The following CHD1 variants were observed in gnomAD, a reference collection of about 807,000 sequenced individuals.
CHD1 encodes chromodomain helicase DNA binding protein 1, also known as ATP-dependent chromatin remodeler CHD1.
In CHD1, 36 loss-of-function variants were observed where a neutral mutation model predicts 224.2. The ratio of observed to expected loss-of-function variants is 0.16; its 90% CI spans 0.12 to 0.21. The LOEUF (loss-of-function observed/expected upper bound fraction) is 0.21, where lower values mean the gene tolerates loss of function less well. Among genes scored for constraint, CHD1 ranks in the 10% least tolerant of loss-of-function variants. CHD1 has a pLI of 1.00. For missense variants in CHD1, 1,378 were observed against 1,994.8 expected (o/e 0.69, Z 5.89); for synonymous variants, 668 against 658.3 (o/e 1.01, Z -0.23).
At position 98,901,255 on chromosome 5, in the gene CHD1, C is replaced by T. The variant is rs372976955; in HGVS notation, c.518G>A (p.Ser173Asn). Residue 173 changes from serine to asparagine, a missense_variant, in exon 6 of 36, where the codon AGC (serine) becomes AAC (asparagine). Ser to Asn is a conservative substitution (Grantham distance 46). Coordinates refer to ENST00000614616, the MANE Select transcript of CHD1 (RefSeq NM_001270.4). ...ATCAGATTCTGTTTCATCACAACTG[C>T]TTTTCTCTCTCTCTTCTTCAGATTC... ...DSESEEEREKSSCDETESDYE... is the reference protein window; with the variant it reads ...DSESEEEREKNSCDETESDYE... The T allele has an allele frequency of 3.1e-6, 5 of 1,613,832 alleles. No individual in the cohort carries two copies. Among genetic ancestry groups the T allele is most frequent in the South Asian group, 1.1e-5 (1 of 91,062 alleles).
Position 98,899,489 on chromosome 5 carries a change from G to A in CHD1, c.1076C>T (p.Thr359Ile). The change falls in exon 8 of 36, where the codon ACA (threonine) becomes ATA (isoleucine). Residue 359 changes from threonine (T) to isoleucine (I), a missense_variant. By Grantham distance (89) the Thr-to-Ile change is moderately conservative. Around this residue, in one of 16 missense-constraint regions of CHD1, gnomAD observed 15 missense variants for 16.2 expected, o/e 0.93. Transcript: ENST00000614616. ...TATACAGCATACTTACCATCTTTTT[G>A]TTTCCTGATCTTTTTTCTTATAATT... is the stretch of plus-strand genomic sequence containing the variant. ...LDNYKKKDQETKRWLKNASPE... is the reference protein window; with the variant it reads ...LDNYKKKDQEIKRWLKNASPE... 6.3e-7 allele frequency: 1 copy of A among 1,590,508 alleles called. No homozygotes were observed. The highest frequency in any genetic ancestry group is 8.6e-7 in the Non-Finnish European group (1 of 1,160,582).
intron 33 of CHD1, among the ~76,000 whole-genome samples, chr5:98,859,448 AC>A (rs1748299501): frequency 6.6e-6 from 1 of 152,062 alleles, no homozygotes; most frequent in Admixed American, 6.6e-5. Context: ...CCCATATTAC[AC>A]TTAGTTGTCA....
intron 30 of CHD1, 60 bp downstream of exon 30, chr5:98,869,694 C>T (rs534812385): frequency 1.9e-6 from 3 of 1,567,164 alleles, no homozygotes; most frequent in Admixed American, 1.7e-5. Flanking sequence ...GTAAAGTACA[C>T]AAAAACATGC....
At chr5:98,907,588 CAA>C (rs34839165) in intron 2 of CHD1, among the ~76,000 whole-genome samples, 6 of 87,516 alleles carry the variant, frequency 6.9e-5, no homozygotes, top group Non-Finnish European at 1.4e-4. Context: ...AACTCCATCT[CAA>C]AAAAAAAAAA....
At chr5:98,895,344 C>T (rs376949753) in intron 12 of CHD1, among the ~76,000 whole-genome samples, 317 of 152,202 alleles carry the variant, frequency 2.1e-3, no homozygotes, top group Middle Eastern at 6.8e-3. Context: ...CTAGGAAAGT[C>T]GTGTGTAGAG....
Position 98,926,272 on chromosome 5 carries a change from G to T in CHD1, c.53+62C>A. ...ACTAAATAACAACAATAACAATAAAGAAAAAAGTCAAGTTTTCAACTCTCT... is the reference window on the plus strand; with the variant it reads ...ACTAAATAACAACAATAACAATAAATAAAAAAGTCAAGTTTTCAACTCTCT... On this transcript the variant is annotated intron_variant, in intron 2 of 35. Coordinates refer to ENST00000614616, the MANE Select transcript of CHD1 (RefSeq NM_001270.4). 3.9e-6 allele frequency: 4 copies of T among 1,037,924 alleles called. No individual in the cohort carries two copies. The South Asian group carries it at 6.2e-5, about 16-fold the overall frequency. 64.3% of individuals were successfully genotyped at this position (1,037,924 alleles called of 1,614,324 possible). A position where few individuals can be genotyped will look rare whatever the true frequency, so the allele number is the denominator to read the frequency against.
In CHD1 at chr5:98,876,425, T is replaced by G. The variant is rs1251436985; in HGVS notation, c.3371A>C (p.Lys1124Thr). 1 of 1,614,058 alleles carries G rather than the reference T, an allele frequency of 6.2e-7. No homozygotes were observed. Among genetic ancestry groups the G allele is most frequent in the Non-Finnish European group, 8.5e-7 (1 of 1,179,936 alleles). ...CCTAATTTCTGCATCACTAAATCCT[T>G]TAATATTCTCCCGAGGAATAGTCCG... is the stretch of plus-strand genomic sequence containing the variant. ...RPRTIPRENIKGFSDAEIRRF... is the reference protein window; with the variant it reads ...RPRTIPRENITGFSDAEIRRF... Residue 1124 changes from lysine (K) to threonine (T), a missense_variant, in exon 24 of 36, where the codon AAA (lysine) becomes ACA (threonine). Lys to Thr is a moderately conservative substitution (Grantham distance 78). Transcript: ENST00000614616.
chr5:98,885,080 CA>C (rs1451572604), intron 18 of CHD1, among the ~76,000 whole-genome samples: 2 of 151,980 alleles, frequency 1.3e-5, no homozygotes, highest in African/African-American at 4.8e-5. Flanking sequence ...CATGCTGAAA[CA>C]TTATTGATAA....
chr5:98,888,513 G>A (rs1266447175), intron 16 of CHD1, among the ~76,000 whole-genome samples: 2 of 152,166 alleles, frequency 1.3e-5, no homozygotes, highest in African/African-American at 4.8e-5. Flanking sequence ...CTATACCACA[G>A]TGTTTCTCCA....
chr5:98,907,872 T>C (rs1752149701), intron 2 of CHD1, among the ~76,000 whole-genome samples: 1 of 152,080 alleles, frequency 6.6e-6, no homozygotes, highest in Non-Finnish European at 1.5e-5. Context: ...GTAAATGTTT[T>C]ACATGATTTT....
Position 98,900,904 on chromosome 5 carries a change from G to A in CHD1, c.766C>T (p.Leu256=). 6.2e-7 allele frequency: 1 copy of A among 1,613,966 alleles called. No homozygotes were observed. The highest frequency in any genetic ancestry group is 8.5e-7 in the Non-Finnish European group (1 of 1,179,880). The change falls in exon 7 of 36, where the codon CTG becomes TTG. Residue 256 remains leucine (L), a synonymous_variant. Coordinates refer to ENST00000614616, the MANE Select transcript of CHD1 (RefSeq NM_001270.4). ...GGAACATCCTCTCCACAGACTTCCA[G>A]TAGGTCATCAGAATCTGTTTTCATT... ...EEMKTDSDDL[L]EVCGEDVPQP...
chr5:98,860,150 G>T, intron 32 of CHD1, 82 bp from the exon 33 acceptor site: 1 of 741,194 alleles, frequency 1.3e-6, no homozygotes, highest in Non-Finnish European at 2.4e-6. Context: ...TTCCCTCCAG[G>T]CACAAACACA....
chr5:98,879,225 T>A (rs559747845), intron 23 of CHD1, among the ~76,000 whole-genome samples: 1 of 152,012 alleles, frequency 6.6e-6, no homozygotes, highest in Admixed American at 6.6e-5. Context: ...TAGAGCAAGA[T>A]GCTGTCACCA....
chr5:98,895,893 CCAAAA>C (rs753097793), intron 12 of CHD1, among the ~76,000 whole-genome samples: 1 of 152,068 alleles, frequency 6.6e-6, no homozygotes, highest in East Asian at 1.9e-4. Context: ...GTTATACAGA[CCAAAA>C]CAAAACAAAA....
chr5:98,877,805 T>C (rs1258083410), intron 23 of CHD1, among the ~76,000 whole-genome samples: 2 of 152,190 alleles, frequency 1.3e-5, no homozygotes, highest in Non-Finnish European at 2.9e-5. Context: ...ATGGTTACTT[T>C]CAGGCCAAAA....
At chr5:98,866,945 G>A (rs1402219199) in intron 31 of CHD1, among the ~76,000 whole-genome samples, 1 of 151,944 alleles carries the variant, frequency 6.6e-6, no homozygotes, top group African/African-American at 2.4e-5. Context: ...TCTGAATTTA[G>A]GAACAACATC....
chr5:98,928,241 G>T (rs990456869), intron 1 of CHD1, among the ~76,000 whole-genome samples: 3 of 151,200 alleles, frequency 2.0e-5, no homozygotes, highest in Admixed American at 2.0e-4. Flanking sequence ...CCCACGCACC[G>T]GCTAAGTGCT....
chr5:98,911,160 T>A (rs1363040079), intron 2 of CHD1, among the ~76,000 whole-genome samples: 5 of 128,668 alleles, frequency 3.9e-5, no homozygotes, highest in African/African-American at 6.2e-5. Flanking sequence ...TATATATATA[T>A]ATATATATAT....
At chr5:98,916,233 T>G (rs1206713713) in intron 2 of CHD1, among the ~76,000 whole-genome samples, 1 of 151,884 alleles carries the variant, frequency 6.6e-6, no homozygotes. Context: ...AAGAGATTAT[T>G]GATATTTAGT....
Sources: allele counts gnomAD v4.1 joint callset (sites outside exome capture counted in the v4.1 genomes callset), GRCh38; gene constraint gnomAD v4.1.1; regional missense constraint gnomAD v4.1.1; transcripts MANE v1.5; gene names NCBI Gene and HGNC (gene_info 2026-07-23, HGNC 2026-07-21).